The following GFI1 variants were observed in gnomAD, a reference collection of about 807,000 sequenced individuals.
GFI1 encodes the protein growth factor independent 1 transcriptional repressor.
GFI1 carries 15 observed loss-of-function variants against 39.2 expected under a neutral mutation model. That is an observed-to-expected ratio of 0.38 (90% CI 0.26 to 0.59). The LOEUF (loss-of-function observed/expected upper bound fraction) is 0.59, where lower values mean the gene tolerates loss of function less well. Ranked by LOEUF, GFI1 falls within the 20% of genes least tolerant of loss-of-function variation. The pLI is 0.62. For synonymous variants in GFI1, 239 were observed against 254.3 expected (o/e 0.94, Z 0.57); for missense variants, 475 against 574.0 (o/e 0.83, Z 1.76).
chr1:92,479,628 G>T (rs1436040351), intron 5 of GFI1, among the ~76,000 whole-genome samples: 6 of 152,122 alleles, frequency 3.9e-5, no homozygotes, highest in Non-Finnish European at 8.8e-5. Flanking sequence ...CAGGCTGGTG[G>T]ATCACTTGAG....
chr1:92,483,309 G>T, intron 2 of GFI1, 64 bp downstream of exon 2: 3 of 901,334 alleles, frequency 3.3e-6, no homozygotes, highest in South Asian at 2.7e-5. Flanking sequence ...CCGGACTAAT[G>T]GTGTGCCGAG....
In GFI1 at chr1:92,480,989, C is replaced by T. The variant is rs951596805; in HGVS notation, c.398G>A (p.Arg133Gln). The T allele has an allele frequency of 2.5e-6, 4 of 1,607,500 alleles. No individual in the cohort carries two copies. The highest frequency in any genetic ancestry group is 2.7e-5 in the African/African-American group (2 of 74,788). The change falls in exon 4 of 7, where the codon CGG (arginine) becomes CAG (glutamine). Residue 133 changes from arginine (R) to glutamine (Q), a missense_variant. Physicochemically the swap from Arg to Gln is conservative, Grantham distance 43. Transcript: ENST00000294702. The surrounding 1 kb of genome is among the most constrained non-coding windows in gnomAD (Gnocchi z 5.6). ...SWSGLAGSDL[R>Q]HLVQSYRPCG... ...CGGTCGGTAGCTCTGCACCAGGTGC[C>T]GCAGGTCAGAACCCGCCAGGCCGCT...
In GFI1 at chr1:92,486,920, T is replaced by G. The variant is rs1002899289; in HGVS notation, c.-294A>C. 3 of 151,864 alleles carry G rather than the reference T, an allele frequency of 2.0e-5. No individual in the cohort carries two copies. The highest frequency in any genetic ancestry group is 1.3e-4 in the Admixed American group (2 of 15,254). 9.4% of individuals were successfully genotyped at this position (151,864 alleles called of 1,614,324 possible). On this transcript the variant is annotated 5_prime_UTR_variant, in exon 1 of 7. Coordinates refer to ENST00000294702, the MANE Select transcript of GFI1 (RefSeq NM_005263.5). ...GCTCTCGACCGGGTCCGCTCAGCCT[T>G]CGACTAATTTCCGGTGGTCGGAGCT...
rs769446249 is a variant in GFI1, at chr1:92,480,644, AGGCGGGTGCACAGCAGCTCCGACTCCAC to A, written c.715_742del (p.Val239CysfsTer50). On this transcript the variant is annotated frameshift_variant, in exon 4 of 7. Coordinates refer to ENST00000294702, the MANE Select transcript of GFI1 (RefSeq NM_005263.5). LOFTEE classifies it high-confidence loss of function. This position sits in a 1 kb window ranked among gnomAD's most constrained non-coding sequence, Gnocchi z 5.6. ...CTTGTAGGAGCCGCCGCCCAGCAGC[AGGCGGGTGCACAGCAGCTCCGACTCCAC>A]CTTGACGCCAGCGCCCTTGTCTGCG... is the stretch of plus-strand genomic sequence containing the variant. 2 of 1,589,294 alleles carry A rather than the reference AGGCGGGTGCACAGCAGCTCCGACTCCAC, an allele frequency of 1.3e-6. No homozygotes were observed. The highest frequency in any genetic ancestry group is 2.3e-5 in the South Asian group (2 of 88,312).
chr1:92,478,512 G>T (rs1276109656), intron 6 of GFI1, 76 bp downstream of exon 6: 1 of 1,306,488 alleles, frequency 7.7e-7, no homozygotes, highest in Non-Finnish European at 1.1e-6. Flanking sequence ...ACCACTCACT[G>T]GGGCCAGAAA....
Position 92,481,151 on chromosome 1 carries a change from T to C in GFI1, c.299-63A>G. The stretch of plus-strand genomic sequence containing the variant: ...GACGGCAGAGCGGAGGCCGCCGGGC[T>C]GCGGCTGCGAGCGTGGCGTGTTCGC... On this transcript the variant is annotated intron_variant, in intron 3 of 6. Transcript: ENST00000294702. The surrounding 1 kb of genome is among the most constrained non-coding windows in gnomAD (Gnocchi z 4.3). 7.0e-7 allele frequency: 1 copy of C among 1,435,812 alleles called. No individual in the cohort carries two copies. The highest frequency in any genetic ancestry group is 9.7e-7 in the Non-Finnish European group (1 of 1,035,272). The allele number at this position is 1,435,812 out of a possible 1,614,324, so 88.9% of individuals were successfully genotyped here. A position where few individuals can be genotyped will look rare whatever the true frequency, so the allele number is the denominator to read the frequency against.
chr1:92,476,325 AGCAACTTGGAGGGTGACGTGTT>A, intron 6 of GFI1, 118 bp from the exon 7 acceptor site: 2 of 900,356 alleles, frequency 2.2e-6, no homozygotes, highest in South Asian at 2.9e-5. Flanking sequence ...AAGGCCTTCA[AGCAACTTGGAGGGTGACGTGTT>A]GCAACCTGAA....
In GFI1 at chr1:92,477,284, A is replaced by T. The variant is rs141541846; in HGVS notation, c.1091-1077T>A. Among the ~76,000 whole-genome samples, 213 of 152,340 alleles carry T rather than the reference A, an allele frequency of 1.4e-3. 5 individuals carry two copies. The East Asian group carries it at 0.036, about 26-fold the overall frequency. Reference sequence around the variant, plus strand: ...GGGCTTAATGTTTTATTCAGTCAAGATCCTAGTTGCATTTTGATAAGTGTC... The same window carrying T: ...GGGCTTAATGTTTTATTCAGTCAAGTTCCTAGTTGCATTTTGATAAGTGTC... On this transcript the variant is annotated intron_variant, in intron 6 of 6. Transcript: ENST00000294702.
In GFI1 at chr1:92,481,475, G is replaced by T. The variant is rs1297874672; in HGVS notation, c.299-387C>A. Among the ~76,000 whole-genome samples the T allele has an allele frequency of 6.6e-6, 1 of 152,246 alleles. No individual in the cohort carries two copies. The highest frequency in any genetic ancestry group is 2.4e-5 in the African/African-American group (1 of 41,466). On this transcript the variant is annotated intron_variant, in intron 3 of 6. Coordinates refer to ENST00000294702, the MANE Select transcript of GFI1 (RefSeq NM_005263.5). The surrounding 1 kb of genome is among the most constrained non-coding windows in gnomAD (Gnocchi z 4.3). ...TGTTAAGAAGGAGAAGGTGGCGGCC[G>T]TTCGGCCCCTCACAGCACTCAAGGG...
rs183035708 is a variant in GFI1, at chr1:92,476,756, C to A, written c.1091-549G>T. ...ATCTTAACATGGACTTTCTTTCTTT[C>A]TTTATTTCTCTCTCTCTCTCTCTTT... On this transcript the variant is annotated intron_variant, in intron 6 of 6. Coordinates refer to ENST00000294702, the MANE Select transcript of GFI1 (RefSeq NM_005263.5). Among the ~76,000 whole-genome samples the A allele has an allele frequency of 3.0e-3, 452 of 151,844 alleles. 6 individuals are homozygous for A. The highest frequency in any genetic ancestry group is 0.01 in the African/African-American group (427 of 41,454).
chr1:92,483,715 C>T (rs1658403472), intron 1 of GFI1, 129 bp from the exon 2 acceptor site: 8 of 559,300 alleles, frequency 1.4e-5, no homozygotes, highest in Non-Finnish European at 2.3e-5. Flanking sequence ...AGGGGCTTGA[C>T]CCTGCTGCGC....
intron 5 of GFI1, 108 bp from the exon 6 acceptor site, chr1:92,478,861 C>T (rs1245148783): frequency 7.0e-7 from 1 of 1,430,278 alleles, no homozygotes; most frequent in Non-Finnish European, 9.6e-7. Context: ...CCTAAAATCC[C>T]TTGAACACTT....
In GFI1 at chr1:92,478,603, T is replaced by G; in HGVS notation, c.1075A>C (p.Thr359Pro). 6.2e-7 allele frequency: 1 copy of G among 1,613,980 alleles called. No individual in the cohort carries two copies. Among genetic ancestry groups the G allele is most frequent in the Non-Finnish European group, 8.5e-7 (1 of 1,179,956 alleles). ...TTTAGCTCACCAGTGTGGATGAAAG[T>G]GTGTTTCTTCATGTCTGACTTCTGG... ...FHQKSDMKKH[T>P]FIHTGEKPHK... The change falls in exon 6 of 7, where the codon ACT (threonine) becomes CCT (proline). Residue 359 changes from threonine (T) to proline (P), a missense_variant. By Grantham distance (38) the Thr-to-Pro change is conservative. Transcript: ENST00000294702.
In GFI1 at chr1:92,484,726, A is replaced by T. The variant is rs1658444687; in HGVS notation, c.-99-1140T>A. 1 of 152,460 alleles carries T rather than the reference A, an allele frequency of 6.6e-6. No individual in the cohort carries two copies. The highest frequency in any genetic ancestry group is 1.5e-5 in the Non-Finnish European group (1 of 68,268). 9.4% of individuals were successfully genotyped at this position (152,460 alleles called of 1,614,324 possible). On this transcript the variant is annotated intron_variant, in intron 1 of 6. Transcript: ENST00000294702. This position sits in a 1 kb window ranked among gnomAD's most constrained non-coding sequence, Gnocchi z 4.1. ...GTGGCTGCGCCTGCCGCTAGGCTCCAGCCGGCTCCGGGGGCGGTACCCCAC... is the reference window on the plus strand; with the variant it reads ...GTGGCTGCGCCTGCCGCTAGGCTCCTGCCGGCTCCGGGGGCGGTACCCCAC...
In GFI1 at chr1:92,475,741, C is replaced by T; in HGVS notation, c.*288G>A. On this transcript the variant is annotated 3_prime_UTR_variant, in exon 7 of 7. Transcript: ENST00000294702. Reference sequence around the variant, plus strand: ...TGGGGTCTAAGATTTATTCTGGTCCCCATTTGACTTTGCCTTTGTCTTCAG... The same window carrying T: ...TGGGGTCTAAGATTTATTCTGGTCCTCATTTGACTTTGCCTTTGTCTTCAG... 1 of 464,782 alleles carries T rather than the reference C, an allele frequency of 2.2e-6. No individual in the cohort carries two copies. Among genetic ancestry groups the T allele is most frequent in the Admixed American group, 3.4e-5 (1 of 29,686 alleles). 28.8% of individuals were successfully genotyped at this position (464,782 alleles called of 1,614,324 possible).
intron 1 of GFI1, 186 bp from the exon 2 acceptor site, chr1:92,483,772 G>C (rs1658405607): frequency 4.3e-6 from 2 of 464,628 alleles, no homozygotes; most frequent in African/African-American, 4.0e-5. Flanking sequence ...ACCCGCCGTC[G>C]TTGCCGCCGC....
In GFI1 at chr1:92,480,826, T is replaced by G; in HGVS notation, c.561A>C (p.Ala187=). 4 of 1,555,122 alleles carry G rather than the reference T, an allele frequency of 2.6e-6. No individual in the cohort carries two copies. Among genetic ancestry groups the G allele is most frequent in the Non-Finnish European group, 3.5e-6 (4 of 1,152,232 alleles). Residue 187 remains alanine (A), a synonymous_variant, in exon 4 of 7, where the codon GCA becomes GCC. Transcript: ENST00000294702. This position sits in a 1 kb window ranked among gnomAD's most constrained non-coding sequence, Gnocchi z 5.6. ...AGAGAPGSCS[A]GAGATAGPGL... is the part of the protein sequence containing the mutation. ...CAGGGCCAGCGGTGGCACCGGCCCC[T>G]GCGCTGCAGCTCCCTGGCGCCCCGG...
At chr1:92,476,566 T>C (rs1461622856) in intron 6 of GFI1, among the ~76,000 whole-genome samples, 1 of 152,136 alleles carries the variant, frequency 6.6e-6, no homozygotes, top group Non-Finnish European at 1.5e-5. Flanking sequence ...AGAGCAGATG[T>C]TCAACAGGAA....
chr1:92,476,301 T>G (rs1221528464), intron 6 of GFI1, 94 bp from the exon 7 acceptor site: 1 of 1,216,104 alleles, frequency 8.2e-7, no homozygotes, highest in East Asian at 2.5e-5. Flanking sequence ...CAGCAGCTGG[T>G]TGCACCACAG....
Sources: gnomAD v4.1 joint callset for allele counts (sites outside exome capture counted in the v4.1 genomes callset) on GRCh38, gnomAD v4.1.1 for gene constraint, Gnocchi (gnomAD v3.1) non-coding constraint, MANE v1.5 for transcripts, NCBI Gene and HGNC (gene_info 2026-07-23, HGNC 2026-07-21) for gene names.